ARHGEF18: variants seen among roughly 807,000 people sequenced by gnomAD.
The protein encoded by ARHGEF18 is Rho/Rac guanine nucleotide exchange factor 18.
A neutral mutation model predicts 155.7 loss-of-function variants in ARHGEF18; 93 were observed. The observed-to-expected ratio is 0.60, with a 90% CI of 0.50 to 0.71. ARHGEF18 has a LOEUF of 0.71. Among genes scored for constraint, ARHGEF18 ranks in the 30% least tolerant of loss-of-function variants. The probability of loss-of-function intolerance (pLI) is 0.00; values close to 1 mark genes in which losing one functional copy is unlikely to be tolerated. For synonymous variants in ARHGEF18, 742 were observed against 753.1 expected, an observed-to-expected ratio of 0.99 and a Z score of 0.24; for missense variants, 1,593 against 1,816.1, an observed-to-expected ratio of 0.88 and a Z score of 2.23.
At chr19:7,354,160 T>TA (rs74426024) in intron 1 of ARHGEF18, among the ~76,000 whole-genome samples, 7,875 of 150,484 alleles carry the variant, frequency 0.052, 553 homozygotes, top group East Asian at 0.23. Flanking sequence ...AAGAAAAAAG[T>TA]AAAAAAAATA....
chr19:7,474,812 C>T (rs1344083815), downstream of ARHGEF18, among the ~76,000 whole-genome samples: 1 of 144,562 alleles, frequency 6.9e-6, no homozygotes, highest in Non-Finnish European at 1.5e-5. Flanking sequence ...TTTGCTCCAC[C>T]CCAACCCCAG....
At chr19:7,419,895 T>C (rs1973247732) in intron 10 of ARHGEF18, among the ~76,000 whole-genome samples, 1 of 149,014 alleles carries the variant, frequency 6.7e-6, no homozygotes, top group South Asian at 2.1e-4. Flanking sequence ...GCACCCACAC[T>C]TGGGCTCTGT....
intron 16 of ARHGEF18, among the ~76,000 whole-genome samples, chr19:7,453,262 T>G (rs1975608196): frequency 2.6e-5 from 4 of 151,870 alleles, no homozygotes; most frequent in Admixed American, 2.6e-4. Context: ...GGAGAACTAT[T>G]TGCATCTCAG....
chr19:7,470,181 C>G lies in ARHGEF18; in HGVS notation c.3969C>G (p.Phe1323Leu), dbSNP rs1395027864. ...PPPADSPSEG[F>L]SLKAGGTALL... ...CAGCTGACAGCCCCTCCGAGGGCTT[C>G]TCTCTCAAGGCCGGGGGCACAGCCC... is the stretch of plus-strand genomic sequence containing the variant. Residue 1323 changes from phenylalanine to leucine, a missense_variant, in exon 29 of 29, where the codon TTC (phenylalanine) becomes TTG (leucine). Coordinates refer to ENST00000668164, the MANE Select transcript of ARHGEF18 (RefSeq NM_001367823.1). The surrounding 1 kb of genome is among the most constrained non-coding windows in gnomAD (Gnocchi z 5.9). 1 of 1,612,172 alleles carries G rather than the reference C, an allele frequency of 6.2e-7. No homozygotes were observed. Among genetic ancestry groups the G allele is most frequent in the Admixed American group, 1.7e-5 (1 of 59,962 alleles).
chr19:7,425,911 G>A (rs1044629867), intron 10 of ARHGEF18, among the ~76,000 whole-genome samples: 2 of 151,348 alleles, frequency 1.3e-5, no homozygotes, highest in African/African-American at 4.9e-5. Context: ...GAGGCAGGAG[G>A]ATTGTTTGAA....
At chr19:7,464,039 T>C (rs984030327) in intron 22 of ARHGEF18, 84 bp downstream of exon 22, 1 of 1,451,708 alleles carries the variant, frequency 6.9e-7, no homozygotes, top group Admixed American at 2.7e-5. Context: ...CCTAGAACTT[T>C]CTTTTTTGTT....
Position 7,389,467 on chromosome 19 carries a change from T to TCTTC in ARHGEF18, c.967+6281_967+6284dup, listed in dbSNP as rs763209593. The stretch of plus-strand genomic sequence containing the variant: ...GAGCCACTGCATCCACCCTACATTT[T>TCTTC]CTTCCTTCCTTCCTTCCTTCTTCCT... On this transcript the variant is annotated intron_variant, in intron 10 of 28. Coordinates refer to ENST00000668164, the MANE Select transcript of ARHGEF18 (RefSeq NM_001367823.1). Among the ~76,000 whole-genome samples the TCTTC allele has an allele frequency of 7.4e-5, 11 of 148,150 alleles. No individual in the cohort carries two copies. In the South Asian group the frequency reaches 1.1e-3, roughly 15 times the overall value.
chr19:7,463,998 C>G lies in ARHGEF18; in HGVS notation c.2773+43C>G, dbSNP rs1430772544. 2 of 1,530,926 alleles carry G rather than the reference C, an allele frequency of 1.3e-6. No individual in the cohort carries two copies. The highest frequency in any genetic ancestry group is 4.4e-5 in the Admixed American group (2 of 45,602). The allele number at this position is 1,530,926 out of a possible 1,614,324, so 94.8% of individuals were successfully genotyped here. On this transcript the variant is annotated intron_variant, in intron 22 of 28. Coordinates refer to ENST00000668164, the MANE Select transcript of ARHGEF18 (RefSeq NM_001367823.1). This position sits in a 1 kb window ranked among gnomAD's most constrained non-coding sequence, Gnocchi z 5.2. ...TCCCCTCCTGCCTCCAGGGCCGCCCCTCAGGATGCACATTAACTTGTATGG... is the reference window on the plus strand; with the variant it reads ...TCCCCTCCTGCCTCCAGGGCCGCCCGTCAGGATGCACATTAACTTGTATGG...
In ARHGEF18 at chr19:7,372,068, G is replaced by A. The variant is rs116301665; in HGVS notation, c.16-744G>A. On this transcript the variant is annotated intron_variant, in intron 2 of 28. Coordinates refer to ENST00000668164, the MANE Select transcript of ARHGEF18 (RefSeq NM_001367823.1). ...AAGGGCTGCCTGAGATCACATGGATGCCTGGAGCCACATCTCAGCACTGGC... is the reference window on the plus strand; with the variant it reads ...AAGGGCTGCCTGAGATCACATGGATACCTGGAGCCACATCTCAGCACTGGC... Among the ~76,000 whole-genome samples the A allele has an allele frequency of 2.6e-3, 391 of 152,340 alleles. 4 individuals carry two copies. Among genetic ancestry groups the A allele is most frequent in the African/African-American group, 8.8e-3 (366 of 41,576 alleles).
chr19:7,402,440 C>T (rs994429149), intron 10 of ARHGEF18, among the ~76,000 whole-genome samples: 5 of 152,040 alleles, frequency 3.3e-5, no homozygotes, highest in Admixed American at 2.0e-4. Flanking sequence ...TGAATAAATA[C>T]ATAAAATAGA....
downstream of ARHGEF18, chr19:7,477,322 G>C: frequency 6.4e-7 from 1 of 1,558,462 alleles, no homozygotes; most frequent in Admixed American, 1.9e-5. Flanking sequence ...CCCACAGCAC[G>C]CCCCGGGGCA....
Position 7,470,507 on chromosome 19 carries a change from T to A in ARHGEF18, c.*209T>A. ...GTTAGCGGTGGTGCCGGGGTCACTT[T>A]CTGAATCTCTTTTTTTTTTTTTCAA... On this transcript the variant is annotated 3_prime_UTR_variant, in exon 29 of 29. Coordinates refer to ENST00000668164, the MANE Select transcript of ARHGEF18 (RefSeq NM_001367823.1). This position sits in a 1 kb window ranked among gnomAD's most constrained non-coding sequence, Gnocchi z 5.9. 1 of 428,914 alleles carries A rather than the reference T, an allele frequency of 2.3e-6. No homozygotes were observed. Among genetic ancestry groups the A allele is most frequent in the Non-Finnish European group, 3.9e-6 (1 of 256,322 alleles). 26.6% of individuals were successfully genotyped at this position (428,914 alleles called of 1,614,324 possible). A position where few individuals can be genotyped will look rare whatever the true frequency, so the allele number is the denominator to read the frequency against.
chr19:7,464,650 A>T lies in ARHGEF18; in HGVS notation c.2864A>T (p.Asp955Val). 1 of 1,613,994 alleles carries T rather than the reference A, an allele frequency of 6.2e-7. No individual in the cohort carries two copies. The highest frequency in any genetic ancestry group is 1.1e-5 in the South Asian group (1 of 91,074). ...PPNSPDLKLS[D>V]SDIPGSSEES... ...AACAGCCCGGACTTGAAGCTCAGTG[A>T]CAGTGACATTCCTGGGAGCTCTGAG... is the stretch of plus-strand genomic sequence containing the variant. The change falls in exon 23 of 29, where the codon GAC (aspartate) becomes GTC (valine). Residue 955 changes from aspartate to valine, a missense_variant. Physicochemically the swap from Asp to Val is radical, Grantham distance 152. Transcript: ENST00000668164.
chr19:7,457,968 T>A (rs550154065), intron 18 of ARHGEF18, among the ~76,000 whole-genome samples: 13 of 152,056 alleles, frequency 8.5e-5, no homozygotes, highest in East Asian at 3.9e-4. Flanking sequence ...TAAAAAAAAA[T>A]TTTTAAGCTG....
chr19:7,443,263 G>T (rs1974784060), intron 13 of ARHGEF18, among the ~76,000 whole-genome samples: 1 of 151,926 alleles, frequency 6.6e-6, no homozygotes, highest in African/African-American at 2.4e-5. Flanking sequence ...CACCATGTTG[G>T]TCAGGCTAGT....
rs890186594 is a variant in ARHGEF18, at chr19:7,383,697, A to T, written c.967+494A>T. Among the ~76,000 whole-genome samples the T allele has an allele frequency of 2.0e-5, 3 of 151,916 alleles. No homozygotes were observed. The East Asian group carries it at 5.8e-4, about 29-fold the overall frequency. On this transcript the variant is annotated intron_variant, in intron 10 of 28. Transcript: ENST00000668164. ...CCCTTTCTATAAGGATACCAGCCAT[A>T]TTGGATTAGGGGCCCACCACACTCC...
At chr19:7,389,772 C>T (rs751945546) in intron 10 of ARHGEF18, among the ~76,000 whole-genome samples, 22 of 152,016 alleles carry the variant, frequency 1.4e-4, no homozygotes, top group Non-Finnish European at 2.5e-4. Context: ...TGGCCTCAAG[C>T]GATCCGCCCA....
intron 5 of ARHGEF18, among the ~76,000 whole-genome samples, chr19:7,378,175 C>A (rs1188534893): frequency 6.6e-6 from 1 of 152,150 alleles, no homozygotes; most frequent in South Asian, 2.1e-4. Flanking sequence ...ACGTAAAGCA[C>A]TTAGTAGGTT....
chr19:7,393,345 C>T (rs868504526), intron 10 of ARHGEF18, among the ~76,000 whole-genome samples: 1 of 152,278 alleles, frequency 6.6e-6, no homozygotes, highest in Middle Eastern at 3.4e-3. Flanking sequence ...ACATATTGTG[C>T]ATGTTTTGAA....
Sources: allele counts gnomAD v4.1 joint callset (sites outside exome capture counted in the v4.1 genomes callset), GRCh38; gene constraint gnomAD v4.1.1; non-coding constraint Gnocchi (gnomAD v3.1); transcripts MANE v1.5; gene names NCBI Gene and HGNC (gene_info 2026-07-23, HGNC 2026-07-21).